The following PIAS1 variants were observed in gnomAD, a reference collection of about 807,000 sequenced individuals.
PIAS1 encodes the protein E3 SUMO-protein ligase PIAS1.
In PIAS1, 6 loss-of-function variants were observed where a neutral mutation model predicts 71.3. That is an observed-to-expected ratio of 0.08 (90% CI 0.05 to 0.17). PIAS1 has a LOEUF of 0.17. Among genes scored for constraint, PIAS1 ranks in the 10% least tolerant of loss-of-function variants. The probability of loss-of-function intolerance (pLI) is 1.00; values close to 1 mark genes in which losing one functional copy is unlikely to be tolerated. For missense variants in PIAS1, 555 were observed against 793.6 expected, an observed-to-expected ratio of 0.70 and a Z score of 3.61; for synonymous variants, 303 against 292.9, an observed-to-expected ratio of 1.03 and a Z score of -0.35.
At chr15:68,063,681 CAGTTCTT>C (rs1432310592) in intron 1 of PIAS1, among the ~76,000 whole-genome samples, 1 of 152,038 alleles carries the variant, frequency 6.6e-6, no homozygotes, top group Non-Finnish European at 1.5e-5. Flanking sequence ...AGTAATGCAT[CAGTTCTT>C]ACAGAGGTTT....
At chr15:68,089,174 CAGT>C (rs763495200) in intron 2 of PIAS1, among the ~76,000 whole-genome samples, 1 of 152,150 alleles carries the variant, frequency 6.6e-6, no homozygotes, top group African/African-American at 2.4e-5. Flanking sequence ...AAATGGAAGA[CAGT>C]AGTTCTGATA....
chr15:68,122,696 A>G (rs1449672001), intron 2 of PIAS1, among the ~76,000 whole-genome samples: 2 of 152,246 alleles, frequency 1.3e-5, no homozygotes, highest in African/African-American at 2.4e-5. Flanking sequence ...TGCCACACCA[A>G]GATGAGTAGA....
chr15:68,114,423 G>A (rs2092548504), intron 2 of PIAS1, among the ~76,000 whole-genome samples: 1 of 151,986 alleles, frequency 6.6e-6, no homozygotes, highest in Non-Finnish European at 1.5e-5. Flanking sequence ...AATGGGAGCT[G>A]ACAGCCTAAT....
intron 7 of PIAS1, among the ~76,000 whole-genome samples, chr15:68,159,963 C>T (rs1447361488): frequency 2.0e-5 from 3 of 152,134 alleles, no homozygotes; most frequent in Admixed American, 2.0e-4. Context: ...TTTCAAGTGG[C>T]TCCACATCCT....
At chr15:68,117,563 T>C (rs935669363) in intron 2 of PIAS1, among the ~76,000 whole-genome samples, 11 of 152,230 alleles carry the variant, frequency 7.2e-5, no homozygotes, top group African/African-American at 2.7e-4. Flanking sequence ...TATTCTCTAC[T>C]TCTGTGAGAA....
At chr15:68,148,121 A>G (rs147328900) in intron 6 of PIAS1, among the ~76,000 whole-genome samples, 1 of 152,182 alleles carries the variant, frequency 6.6e-6, no homozygotes, top group East Asian at 1.9e-4. Flanking sequence ...AGAGAAGCAC[A>G]TGGTGATTTT....
At chr15:68,077,512 C>G (rs550572235) in intron 1 of PIAS1, among the ~76,000 whole-genome samples, 2 of 152,322 alleles carry the variant, frequency 1.3e-5, no homozygotes, top group East Asian at 1.9e-4. Flanking sequence ...AGGGAACTTT[C>G]AATTCCTAGA....
intron 6 of PIAS1, among the ~76,000 whole-genome samples, chr15:68,148,981 T>C (rs1356040447): frequency 1.3e-5 from 2 of 151,936 alleles, no homozygotes; most frequent in African/African-American, 4.8e-5. Context: ...AAGGGAGATG[T>C]GACTGATGAG....
At chr15:68,151,939 A>ATTTTTTTTTTTT (rs1201017658) in intron 6 of PIAS1, among the ~76,000 whole-genome samples, 5 of 68,192 alleles carry the variant, frequency 7.3e-5, no homozygotes, top group Admixed American at 5.5e-4. Flanking sequence ...AAATTTAGGA[A>ATTTTTTTTTTTT]TTTTTTTTTT....
chr15:68,100,672 A>G (rs1318625307), intron 2 of PIAS1, among the ~76,000 whole-genome samples: 2 of 152,168 alleles, frequency 1.3e-5, no homozygotes, highest in African/African-American at 4.8e-5. Flanking sequence ...TAAATGCCCA[A>G]GGGTTATCAG....
At chr15:68,111,096 C>G (rs1461544919) in intron 2 of PIAS1, among the ~76,000 whole-genome samples, 1 of 152,134 alleles carries the variant, frequency 6.6e-6, no homozygotes, top group Non-Finnish European at 1.5e-5. Context: ...TACTCCAAAT[C>G]TTGAATTAAA....
intron 2 of PIAS1, among the ~76,000 whole-genome samples, chr15:68,103,321 G>T: frequency 1.0e-5 from 1 of 99,962 alleles, no homozygotes; most frequent in Non-Finnish European, 1.9e-5. Flanking sequence ...ACCATGTTTT[G>T]TATTATTATC....
At chr15:68,093,357 A>G (rs752028050) in intron 2 of PIAS1, among the ~76,000 whole-genome samples, 3 of 152,274 alleles carry the variant, frequency 2.0e-5, no homozygotes, top group Non-Finnish European at 4.4e-5. Context: ...CTTGGTAAGC[A>G]TACCACATGG....
At chr15:68,072,913 T>A (rs148710982) in intron 1 of PIAS1, among the ~76,000 whole-genome samples, 1 of 152,268 alleles carries the variant, frequency 6.6e-6, no homozygotes, top group Non-Finnish European at 1.5e-5. Context: ...AACTAAAAAA[T>A]TATTGTTTGA....
At chr15:68,105,177 G>C (rs1350036162) in intron 2 of PIAS1, among the ~76,000 whole-genome samples, 1 of 152,054 alleles carries the variant, frequency 6.6e-6, no homozygotes, top group Non-Finnish European at 1.5e-5. Context: ...GTTCACTCAG[G>C]ATATGAATTG....
At chr15:68,057,645 C>T (rs761756963) in intron 1 of PIAS1, 7 of 263,664 alleles carry the variant, frequency 2.7e-5, no homozygotes, top group Non-Finnish European at 4.5e-5. Flanking sequence ...TAATTTTGAT[C>T]CTTACGCTGT....
intron 2 of PIAS1, among the ~76,000 whole-genome samples, chr15:68,129,547 C>A (rs2092674530): frequency 3.4e-5 from 5 of 149,214 alleles, no homozygotes; most frequent in Non-Finnish European, 6.0e-5. Flanking sequence ...AATGAAAAGC[C>A]AAAAGAAAAC....
At chr15:68,152,219 G>A (rs1222924380) in intron 6 of PIAS1, among the ~76,000 whole-genome samples, 2 of 152,012 alleles carry the variant, frequency 1.3e-5, no homozygotes, top group Non-Finnish European at 2.9e-5. Flanking sequence ...AAAGTGCTGG[G>A]ATTACAGTCA....
intron 1 of PIAS1, among the ~76,000 whole-genome samples, chr15:68,062,669 CA>C (rs2091972898): frequency 6.6e-6 from 1 of 152,128 alleles, no homozygotes; most frequent in Admixed American, 6.5e-5. Context: ...TTTTTCTCTG[CA>C]TGGGCATTTA....
Sources: gnomAD v4.1 joint callset for allele counts (sites outside exome capture counted in the v4.1 genomes callset) on GRCh38, gnomAD v4.1.1 for gene constraint, MANE v1.5 for transcripts, NCBI Gene and HGNC (gene_info 2026-07-23, HGNC 2026-07-21) for gene names.